NKAIN3: variants seen among roughly 807,000 people sequenced by gnomAD.
NKAIN3 encodes the protein sodium/potassium transporting ATPase interacting 3.
A neutral mutation model predicts 30.2 loss-of-function variants in NKAIN3; 25 were observed. The observed-to-expected ratio is 0.83, with a 90% CI of 0.60 to 1.16. The LOEUF is 1.16. Ranked by LOEUF, NKAIN3 falls within the 50% of genes most tolerant of loss-of-function variation. The pLI, the probability that NKAIN3 is intolerant of heterozygous loss-of-function variation, is 0.00. For synonymous variants in NKAIN3, 91 were observed against 89.6 expected (o/e 1.02, Z -0.09); for missense variants, 225 against 254.1 (o/e 0.89, Z 0.78).
chr8:62,873,595 A>T (rs1441034855), intron 4 of NKAIN3, among the ~76,000 whole-genome samples: 1 of 151,390 alleles, frequency 6.6e-6, no homozygotes, highest in East Asian at 1.9e-4. Flanking sequence ...GAAGTAAAAC[A>T]TTCCTAAGCA....
At chr8:62,784,098 T>C (rs2130658208) in intron 4 of NKAIN3, among the ~76,000 whole-genome samples, 1 of 152,104 alleles carries the variant, frequency 6.6e-6, no homozygotes, top group African/African-American at 2.4e-5. Flanking sequence ...AACTAAAACA[T>C]AACGTATCAA....
intron 1 of NKAIN3, among the ~76,000 whole-genome samples, chr8:62,528,351 A>ATATATG (rs1300724479): frequency 2.7e-3 from 135 of 50,858 alleles, no homozygotes; most frequent in African/African-American, 9.2e-3. Flanking sequence ...ATATATATAT[A>ATATATG]TATGACTTTT....
chr8:62,593,031 A>G (rs371910103), intron 3 of NKAIN3, among the ~76,000 whole-genome samples: 2 of 152,016 alleles, frequency 1.3e-5, no homozygotes, highest in Non-Finnish European at 2.9e-5. Flanking sequence ...TTGCTTATTT[A>G]GAGAAAAAGT....
chr8:62,633,290 C>T (rs1173752551), intron 3 of NKAIN3, among the ~76,000 whole-genome samples: 2 of 152,124 alleles, frequency 1.3e-5, no homozygotes, highest in Non-Finnish European at 2.9e-5. Flanking sequence ...ACCTTATTTT[C>T]CATATGACTA....
At chr8:62,541,065 T>C (rs983410244) in intron 1 of NKAIN3, among the ~76,000 whole-genome samples, 1 of 152,104 alleles carries the variant, frequency 6.6e-6, no homozygotes, top group Admixed American at 6.6e-5. Context: ...ATCCCAGAAC[T>C]TTGGGAGGCT....
At position 62,976,291 on chromosome 8, in the gene NKAIN3, G is replaced by T. The variant is rs887343652; in HGVS notation, c.*10884G>T. The stretch of plus-strand genomic sequence containing the variant: ...CTAATACACACAATGGAGTGTTAAA[G>T]TCTCCCACTATTATTGTGTGGTAGT... On this transcript the variant is annotated 3_prime_UTR_variant, in exon 7 of 7. Coordinates refer to ENST00000623646, the MANE Select transcript of NKAIN3 (RefSeq NM_001304533.3). 6.6e-6 allele frequency among the ~76,000 whole-genome samples: 1 copy of T among 152,198 alleles called. No homozygotes were observed. Among genetic ancestry groups the T allele is most frequent in the Middle Eastern group, 3.4e-3 (1 of 294 alleles).
At chr8:62,422,545 C>A (rs554478520) in intron 1 of NKAIN3, among the ~76,000 whole-genome samples, 4 of 152,060 alleles carry the variant, frequency 2.6e-5, no homozygotes, top group Non-Finnish European at 2.9e-5. Context: ...TGTAGAAGAT[C>A]GCAAATGGCA....
At chr8:62,318,898 A>G (rs1416004139) in intron 1 of NKAIN3, among the ~76,000 whole-genome samples, 3 of 152,132 alleles carry the variant, frequency 2.0e-5, no homozygotes, top group East Asian at 3.9e-4. Flanking sequence ...GAATAGTTTC[A>G]GAGGGAATGG....
intron 1 of NKAIN3, among the ~76,000 whole-genome samples, chr8:62,520,643 G>A (rs1808126273): frequency 1.3e-5 from 2 of 152,016 alleles, no homozygotes; most frequent in South Asian, 4.1e-4. Flanking sequence ...TAAAGTATTT[G>A]AAACACTGAA....
At chr8:62,991,269 G>A (rs1824314949) in intron 5 of NKAIN3, among the ~76,000 whole-genome samples, 1 of 152,088 alleles carries the variant, frequency 6.6e-6, no homozygotes, top group African/African-American at 2.4e-5. Context: ...ACCATGAGAG[G>A]GTGTTAGGTG....
chr8:62,897,402 C>A (rs1465069436), intron 4 of NKAIN3, among the ~76,000 whole-genome samples: 4 of 151,066 alleles, frequency 2.6e-5, no homozygotes, highest in African/African-American at 4.9e-5. Context: ...GATGGGAAAC[C>A]ATGAATGAAA....
At chr8:62,566,055 C>G (rs1334257397) in intron 1 of NKAIN3, among the ~76,000 whole-genome samples, 1 of 152,072 alleles carries the variant, frequency 6.6e-6, no homozygotes, top group African/African-American at 2.4e-5. Flanking sequence ...AAGGCAGAGG[C>G]TATCTCCATT....
intron 3 of NKAIN3, among the ~76,000 whole-genome samples, chr8:62,722,708 C>T (rs1815130367): frequency 1.3e-5 from 2 of 152,076 alleles, no homozygotes; most frequent in Admixed American, 1.3e-4. Flanking sequence ...CTCAGTTCAT[C>T]CCATCCCCCA....
intron 3 of NKAIN3, among the ~76,000 whole-genome samples, chr8:62,712,982 C>T (rs1245568858): frequency 1.3e-5 from 2 of 152,214 alleles, no homozygotes; most frequent in African/African-American, 4.8e-5. Context: ...ACTTCTCCCA[C>T]AAACAGAACC....
At chr8:62,360,003 C>T (rs1816496147) in intron 1 of NKAIN3, among the ~76,000 whole-genome samples, 1 of 152,172 alleles carries the variant, frequency 6.6e-6, no homozygotes, top group African/African-American at 2.4e-5. Flanking sequence ...ATGTGTGTCT[C>T]TGACCTACTC....
chr8:62,336,130 T>G (rs1815543863), intron 1 of NKAIN3, among the ~76,000 whole-genome samples: 1 of 152,064 alleles, frequency 6.6e-6, no homozygotes, highest in Non-Finnish European at 1.5e-5. Flanking sequence ...TGAGGTCATT[T>G]GTAACTTTGC....
At chr8:62,505,801 A>G (rs539620454) in intron 1 of NKAIN3, among the ~76,000 whole-genome samples, 1 of 152,226 alleles carries the variant, frequency 6.6e-6, no homozygotes, top group South Asian at 2.1e-4. Context: ...ATTACCACAC[A>G]ACAGGTGGCT....
At chr8:62,884,383 T>C (rs1287355967) in intron 4 of NKAIN3, among the ~76,000 whole-genome samples, 1 of 152,062 alleles carries the variant, frequency 6.6e-6, no homozygotes, top group Non-Finnish European at 1.5e-5. Context: ...CTTAGCATCC[T>C]GAGTAGCTGA....
chr8:62,344,887 T>G (rs1219789423), intron 1 of NKAIN3: 1 of 421,648 alleles, frequency 2.4e-6, no homozygotes, highest in East Asian at 7.2e-5. Flanking sequence ...AATTGTTAGA[T>G]AACTTTGAGT....
Sources: gnomAD v4.1 joint callset for allele counts (sites outside exome capture counted in the v4.1 genomes callset) on GRCh38, gnomAD v4.1.1 for gene constraint, MANE v1.5 for transcripts, NCBI Gene and HGNC (gene_info 2026-07-23, HGNC 2026-07-21) for gene names.